Variants in CDKL3 observed in about 807,000 individuals in gnomAD.
The protein encoded by CDKL3 is cyclin-dependent kinase-like 3.
A neutral mutation model predicts 69.3 loss-of-function variants in CDKL3; 65 were observed. That is an observed-to-expected ratio of 0.94 (90% CI 0.77 to 1.15). The LOEUF is 1.15. CDKL3 is among the 50% of genes most tolerant of loss of function. The probability of loss-of-function intolerance (pLI) is 0.00; values close to 1 mark genes in which losing one functional copy is unlikely to be tolerated. For synonymous variants in CDKL3, 202 were observed against 221.6 expected (o/e 0.91, Z 0.79); for missense variants, 652 against 689.2 (o/e 0.95, Z 0.61).
rs143956407 is a variant in CDKL3 at position 134,290,080 on chromosome 5, G to A, written c.*678-3521C>T. Among the ~76,000 whole-genome samples the A allele has an allele frequency of 6.6e-4, 101 of 152,214 alleles. 2 individuals are homozygous for A. In the East Asian group the frequency reaches 0.018, roughly 27 times the overall value. On this transcript the variant is annotated intron_variant and NMD_transcript_variant, in intron 8 of 8. Coordinates refer to the CDKL3 transcript ENST00000519312. ...GACGTTAAAACTTTGCCTTGGCCAG[G>A]CGCAGTGGCTCACACCCGTAATCCC...
chr5:134,366,960 G>A lies in CDKL3; in HGVS notation c.-22+17C>T. On this transcript the variant is annotated intron_variant, in intron 1 of 12. Transcript: ENST00000265334. Reference sequence around the variant, plus strand: ...GTCTCGCCCGCAACTCAAACCACACGTCTTAGGATGCCGGACCGGCGTCAC... The same window carrying A: ...GTCTCGCCCGCAACTCAAACCACACATCTTAGGATGCCGGACCGGCGTCAC... 1.0e-6 allele frequency: 1 copy of A among 989,602 alleles called. No homozygotes were observed. The allele number at this position is 989,602 out of a possible 1,614,324, so 61.3% of individuals were successfully genotyped here.
At chr5:134,295,526 A>G (rs1765310575), downstream of CDKL3, among the ~76,000 whole-genome samples, 1 of 152,202 alleles carries the variant, frequency 6.6e-6, no homozygotes, top group Non-Finnish European at 1.5e-5. Context: ...TGATTTCCCT[A>G]GAGGAGCAAT....
chr5:134,304,927 T>C (rs958190154), intron 10 of CDKL3, among the ~76,000 whole-genome samples: 8 of 150,840 alleles, frequency 5.3e-5, no homozygotes, highest in Admixed American at 4.0e-4. Flanking sequence ...CCCACCTCAG[T>C]CTCTTAAGTA....
chr5:134,305,796 A>T (rs533439271), intron 10 of CDKL3, among the ~76,000 whole-genome samples: 1 of 152,344 alleles, frequency 6.6e-6, no homozygotes, highest in East Asian at 1.9e-4. Flanking sequence ...TGAATAAATC[A>T]ATTTCCTATG....
intron 6 of CDKL3, among the ~76,000 whole-genome samples, chr5:134,315,760 G>A (rs571657833): frequency 2.1e-4 from 32 of 152,240 alleles, no homozygotes; most frequent in Non-Finnish European, 3.8e-4. Flanking sequence ...GCTGAGGCGG[G>A]AGGATTGGTC....
intron 4 of CDKL3, among the ~76,000 whole-genome samples, chr5:134,326,021 C>T (rs1439542987): frequency 2.0e-5 from 3 of 151,348 alleles, no homozygotes; most frequent in Non-Finnish European, 4.4e-5. Flanking sequence ...GATCCGCACG[C>T]CTCGGCCTCC....
At chr5:134,307,307 T>G (rs981383955) in intron 9 of CDKL3, among the ~76,000 whole-genome samples, 1 of 152,232 alleles carries the variant, frequency 6.6e-6, no homozygotes, top group Admixed American at 6.5e-5. Context: ...ATCAGCTTTC[T>G]CAATTTATGA....
At chr5:134,356,679 G>A (rs900378111) in intron 3 of CDKL3, among the ~76,000 whole-genome samples, 2 of 152,106 alleles carry the variant, frequency 1.3e-5, no homozygotes, top group African/African-American at 4.8e-5. Flanking sequence ...AGCTACTCAG[G>A]AGGCTGAGGC....
At chr5:134,342,902 T>C (rs1048440742) in intron 4 of CDKL3, among the ~76,000 whole-genome samples, 3 of 152,002 alleles carry the variant, frequency 2.0e-5, no homozygotes, top group Non-Finnish European at 4.4e-5. Context: ...TACAAAGCAA[T>C]AGTCATTAAG....
At chr5:134,360,134 C>A (rs574056635) in intron 2 of CDKL3, 43 bp from the exon 3 acceptor site, 5 of 1,325,680 alleles carry the variant, frequency 3.8e-6, no homozygotes, top group African/African-American at 1.5e-5. Context: ...TTATTTCAAG[C>A]CTAACAATTT....
chr5:134,350,198 C>T (rs1554101792), intron 4 of CDKL3, 51 bp downstream of exon 4: 1 of 1,408,248 alleles, frequency 7.1e-7, no homozygotes. Context: ...AAAAAATAAA[C>T]AAAAAAAGAG....
At chr5:134,337,129 G>A (rs961232179) in intron 4 of CDKL3, among the ~76,000 whole-genome samples, 3 of 152,194 alleles carry the variant, frequency 2.0e-5, no homozygotes, top group African/African-American at 7.2e-5. Context: ...AGCAAGCAAG[G>A]CTCCATGGGC....
chr5:134,360,448 T>G (rs1371605495), intron 2 of CDKL3, among the ~76,000 whole-genome samples: 2 of 152,108 alleles, frequency 1.3e-5, no homozygotes, highest in Non-Finnish European at 2.9e-5. Context: ...CAGGTGATCC[T>G]CCTGCCTCAG....
intron 4 of CDKL3, among the ~76,000 whole-genome samples, chr5:134,329,093 C>A (rs764703113): frequency 1.1e-4 from 16 of 152,172 alleles, no homozygotes; most frequent in African/African-American, 3.9e-4. Flanking sequence ...GTAATCCCAG[C>A]ACATTTGAGG....
intron 4 of CDKL3, among the ~76,000 whole-genome samples, chr5:134,328,983 C>A (rs1775078255): frequency 6.6e-6 from 1 of 152,148 alleles, no homozygotes. Context: ...AACCAATCCA[C>A]CTCACAAGAA....
At chr5:134,289,163 TAAAA>T (rs34873718) in intron 8 of CDKL3, among the ~76,000 whole-genome samples, 53 of 80,288 alleles carry the variant, frequency 6.6e-4, no homozygotes, top group South Asian at 8.4e-4. Flanking sequence ...CCCTGTCTCA[TAAAA>T]AAAAAAAAAA....
At chr5:134,367,307 G>C, upstream of CDKL3, 1 of 983,488 alleles carries the variant, frequency 1.0e-6, no homozygotes, top group East Asian at 1.2e-4. Context: ...AGTACAGATT[G>C]CTGTCGCAGC....
chr5:134,319,458 C>A lies in CDKL3; in HGVS notation c.692G>T (p.Ser231Ile). The change falls in exon 6 of 13, where the codon AGC becomes ATC. Residue 231 changes from serine (S) to isoleucine (I), a missense_variant. Transcript: ENST00000265334. ...SPHLQNIFSK[S>I]PIFAGVVLPQ... ...AAGAACTACCCCAGCAAAAATGGGG[C>A]TCTTGGAAAAGATATTCTGCAAGTG... 1 of 1,531,228 alleles carries A rather than the reference C, an allele frequency of 6.5e-7. No individual in the cohort carries two copies. Among genetic ancestry groups the A allele is most frequent in the Non-Finnish European group, 8.8e-7 (1 of 1,141,348 alleles). 94.9% of individuals were successfully genotyped at this position (1,531,228 alleles called of 1,614,324 possible).
At chr5:134,333,938 C>T (rs1007130165) in intron 4 of CDKL3, among the ~76,000 whole-genome samples, 3 of 152,204 alleles carry the variant, frequency 2.0e-5, no homozygotes, top group Middle Eastern at 3.4e-3. Flanking sequence ...TCCATCTGGT[C>T]CTGGACTTTT....
Sources: allele counts gnomAD v4.1 joint callset (sites outside exome capture counted in the v4.1 genomes callset), GRCh38; gene constraint gnomAD v4.1.1; transcripts MANE v1.5; gene names NCBI Gene and HGNC (gene_info 2026-07-23, HGNC 2026-07-21).